LRRK2: variants seen among roughly 807,000 people sequenced by gnomAD.
The protein encoded by LRRK2 is leucine rich repeat kinase 2.
In LRRK2, 203 loss-of-function variants were observed where a neutral mutation model predicts 302.6. The ratio of observed to expected loss-of-function variants is 0.67; its 90% CI spans 0.60 to 0.75. The LOEUF is 0.75. LRRK2 is among the 30% of genes least tolerant of loss of function. LRRK2 has a pLI of 0.00. For synonymous variants in LRRK2, 1,066 were observed against 1,031.9 expected (o/e 1.03, Z -0.63); for missense variants, 2,830 against 2,951.0 (o/e 0.96, Z 0.95).
chr12:40,262,981 TC>T (rs771420979), intron 13 of LRRK2, among the ~76,000 whole-genome samples: 4 of 152,190 alleles, frequency 2.6e-5, no homozygotes, highest in Non-Finnish European at 5.9e-5. Context: ...ACCATAGTAT[TC>T]CCAGCATTAA....
chr12:40,231,773 T>C (rs1383590639), intron 2 of LRRK2, among the ~76,000 whole-genome samples: 1 of 147,196 alleles, frequency 6.8e-6, no homozygotes, highest in Non-Finnish European at 1.5e-5. Context: ...ATATATATTA[T>C]ATATTATGTA....
chr12:40,288,634 G>A (rs11175884), intron 20 of LRRK2, among the ~76,000 whole-genome samples: 4,345 of 151,848 alleles, frequency 0.029, 219 homozygotes, highest in African/African-American at 0.096. Context: ...ACTTTTAGCT[G>A]TTCTAGTGGA....
chr12:40,293,135 G>A (rs1230297754), intron 20 of LRRK2, among the ~76,000 whole-genome samples: 1 of 152,020 alleles, frequency 6.6e-6, no homozygotes, highest in Non-Finnish European at 1.5e-5. Context: ...GAAACAGAAA[G>A]CAGTAACAGT....
At chr12:40,272,434 G>A (rs886416485) in intron 14 of LRRK2, among the ~76,000 whole-genome samples, 42 of 152,044 alleles carry the variant, frequency 2.8e-4, no homozygotes, top group African/African-American at 8.5e-4. Flanking sequence ...TCTGTACTTC[G>A]GGACAACAAT....
At chr12:40,360,116 T>G (rs1156364443) in intron 47 of LRRK2, among the ~76,000 whole-genome samples, 2 of 152,206 alleles carry the variant, frequency 1.3e-5, no homozygotes, top group Non-Finnish European at 2.9e-5. Flanking sequence ...TGCCATCTAT[T>G]GGTTTTGTGA....
chr12:40,339,412 G>A (rs17491494), intron 40 of LRRK2, among the ~76,000 whole-genome samples: 1,785 of 152,312 alleles, frequency 0.012, 31 homozygotes, highest in African/African-American at 0.041. Context: ...CTGAGATGCG[G>A]TAAGCTCTTT....
rs187466405 is a variant in LRRK2 at position 40,315,094 on chromosome 12, T to G, written c.4739-118T>G. 28 of 819,222 alleles carry G rather than the reference T, an allele frequency of 3.4e-5. No homozygotes were observed. In the African/African-American group the frequency reaches 3.5e-4, roughly 10 times the overall value. 50.7% of individuals were successfully genotyped at this position (819,222 alleles called of 1,614,324 possible). On this transcript the variant is annotated intron_variant, in intron 32 of 50. Transcript: ENST00000298910. ...CAGCTTCTAGTCCCAGCTCTGTCACTAGCTATGCTGAAATTTCTTCACCTG... is the reference window on the plus strand; with the variant it reads ...CAGCTTCTAGTCCCAGCTCTGTCACGAGCTATGCTGAAATTTCTTCACCTG...
At chr12:40,363,378 CT>C (rs1946774529) in intron 47 of LRRK2, 23 bp from the exon 48 acceptor site, 2 of 1,550,008 alleles carry the variant, frequency 1.3e-6, no homozygotes, top group African/African-American at 3.2e-5. Context: ...ATAGTGATGA[CT>C]TTCTATTTTT....
chr12:40,337,411 T>C (rs1267294422), intron 40 of LRRK2, among the ~76,000 whole-genome samples: 2 of 152,254 alleles, frequency 1.3e-5, no homozygotes, highest in African/African-American at 4.8e-5. Context: ...CTGCATTTTC[T>C]GTATGTTTCT....
intron 5 of LRRK2, among the ~76,000 whole-genome samples, chr12:40,238,329 C>T (rs974079362): frequency 1.3e-5 from 2 of 152,064 alleles, no homozygotes; most frequent in African/African-American, 4.8e-5. Context: ...CTGGAGTAGA[C>T]TTTCTTCAAT....
chr12:40,298,112 T>C (rs1196180368), intron 23 of LRRK2, 131 bp from the exon 24 acceptor site: 1 of 869,644 alleles, frequency 1.1e-6, no homozygotes, highest in African/African-American at 1.7e-5. Flanking sequence ...AATTCTGTTG[T>C]GGATTGTGTT....
At chr12:40,229,385 G>A (rs1416372678) in intron 2 of LRRK2, among the ~76,000 whole-genome samples, 1 of 152,046 alleles carries the variant, frequency 6.6e-6, no homozygotes, top group Non-Finnish European at 1.5e-5. Context: ...TGATATTCCA[G>A]ACTGCCAGTT....
rs6581668 is a variant in LRRK2 at position 40,337,804 on chromosome 12, G to A, written c.5949-2490G>A. The stretch of plus-strand genomic sequence containing the variant: ...CTGTATGCCTCTTGCTTCCCTTTGC[G>A]GCCCCTGCCACCCCACTGCCCACAC... On this transcript the variant is annotated intron_variant, in intron 40 of 50. Coordinates refer to ENST00000298910, the MANE Select transcript of LRRK2 (RefSeq NM_198578.4). Among the ~76,000 whole-genome samples, 77,271 of 151,942 alleles carry A rather than the reference G, an allele frequency of 0.51. 19,701 individuals carry two copies. The highest frequency in any genetic ancestry group is 0.59 in the South Asian group (2,839 of 4,822).
In LRRK2 at chr12:40,359,390, C is replaced by T. The variant is rs754606066; in HGVS notation, c.6974C>T (p.Ser2325Phe). 13 of 1,613,284 alleles carry T rather than the reference C, an allele frequency of 8.1e-6. No individual in the cohort carries two copies. The South Asian group carries it at 1.4e-4, about 18-fold the overall frequency. The change falls in exon 47 of 51, where the codon TCC becomes TTC. Residue 2325 changes from serine to phenylalanine, a missense_variant. Ser to Phe is a radical substitution (Grantham distance 155). Transcript: ENST00000298910. Reference sequence around the variant, plus strand: ...GGAGGATGTGGCACAAAGATTTTCTCCTTTTCTAATGATTTCACCATTCAG... The same window carrying T: ...GGAGGATGTGGCACAAAGATTTTCTTCTTTTCTAATGATTTCACCATTCAG... ...MWGGCGTKIF[S>F]FSNDFTIQKL...
At chr12:40,291,438 A>G (rs1156643073) in intron 20 of LRRK2, among the ~76,000 whole-genome samples, 1 of 149,844 alleles carries the variant, frequency 6.7e-6, no homozygotes, top group Non-Finnish European at 1.5e-5. Flanking sequence ...TAAAATATAT[A>G]TATATATATA....
intron 18 of LRRK2, among the ~76,000 whole-genome samples, chr12:40,282,022 TCC>T (rs1943719037): frequency 1.2e-4 from 1 of 8,688 alleles, no homozygotes; most frequent in African/African-American, 4.4e-4. Context: ...TCCCTTCCCT[TCC>T]CTTCCCTTCC....
intron 39 of LRRK2, among the ~76,000 whole-genome samples, chr12:40,333,307 A>C (rs1945770570): frequency 6.6e-6 from 1 of 152,108 alleles, no homozygotes; most frequent in Non-Finnish European, 1.5e-5. Context: ...AGCTTGCAGA[A>C]TTCTCCATGT....
chr12:40,352,385 C>T (rs1263647024), intron 44 of LRRK2, among the ~76,000 whole-genome samples: 7 of 151,504 alleles, frequency 4.6e-5, no homozygotes, highest in African/African-American at 1.5e-4. Context: ...AGATAAGTTT[C>T]TAGACTTCAA....
At chr12:40,234,945 T>C (rs1941380742) in intron 3 of LRRK2, among the ~76,000 whole-genome samples, 1 of 152,204 alleles carries the variant, frequency 6.6e-6, no homozygotes, top group Admixed American at 6.5e-5. Flanking sequence ...TGAATATTTA[T>C]TGGAAAATAA....
Sources: gnomAD v4.1 joint callset for allele counts (sites outside exome capture counted in the v4.1 genomes callset) on GRCh38, gnomAD v4.1.1 for gene constraint, MANE v1.5 for transcripts, NCBI Gene and HGNC (gene_info 2026-07-23, HGNC 2026-07-21) for gene names.